NALCN: variants seen among roughly 807,000 people sequenced by gnomAD.
NALCN encodes sodium leak channel NALCN.
Under a neutral mutation model 225.3 loss-of-function variants are expected in NALCN, and 111 were observed. The ratio of observed to expected loss-of-function variants is 0.49; its 90% CI spans 0.42 to 0.58. The LOEUF is 0.58. NALCN is among the 20% of genes least tolerant of loss of function. The pLI is 0.00. For synonymous variants in NALCN, 764 were observed against 769.0 expected (o/e 0.99, Z 0.11); for missense variants, 1,378 against 2,202.4 (o/e 0.63, Z 7.49).
At chr13:101,078,230 AGAG>A (rs2033387036) in intron 34 of NALCN, among the ~76,000 whole-genome samples, 1 of 11,596 alleles carries the variant, frequency 8.6e-5, no homozygotes, top group African/African-American at 8.5e-4. Context: ...GTCCACACAC[AGAG>A]TCCACACACA....
At position 101,105,307 on chromosome 13, in the gene NALCN, TGTTA is replaced by T. The variant is rs10582709; in HGVS notation, c.2580-361_2580-358del. Among the ~76,000 whole-genome samples the T allele has an allele frequency of 7.6e-3, 1,165 of 152,344 alleles. 13 individuals are homozygous for T. The highest frequency in any genetic ancestry group is 0.025 in the African/African-American group (1,048 of 41,568). On this transcript the variant is annotated intron_variant, in intron 22 of 43. Coordinates refer to ENST00000251127, the MANE Select transcript of NALCN (RefSeq NM_052867.4). ...AATCTTTGCCTTAATAGTTCAAGAA[TGTTA>T]GTTATTCAAGATTATTTAATTAAAT...
intron 13 of NALCN, among the ~76,000 whole-genome samples, chr13:101,193,102 C>T (rs376700416): frequency 2.8e-5 from 4 of 142,316 alleles, no homozygotes; most frequent in Non-Finnish European, 3.1e-5. Context: ...CTGATTCCTT[C>T]TTTTTTTTTT....
intron 18 of NALCN, among the ~76,000 whole-genome samples, chr13:101,120,773 G>T (rs1326270331): frequency 3.9e-5 from 6 of 152,152 alleles, no homozygotes; most frequent in African/African-American, 1.4e-4. Context: ...AAAGAACATG[G>T]AAAGCAGTGG....
At chr13:101,274,884 T>A (rs1331055442) in intron 10 of NALCN, among the ~76,000 whole-genome samples, 1 of 152,132 alleles carries the variant, frequency 6.6e-6, no homozygotes. Context: ...GTCTCACCAC[T>A]TAGTATGGCC....
At position 101,412,511 on chromosome 13, in the gene NALCN, G is replaced by A. The variant is rs1046410646; in HGVS notation, c.-40+3802C>T. Among the ~76,000 whole-genome samples, 6 of 152,222 alleles carry A rather than the reference G, an allele frequency of 3.9e-5. No individual in the cohort carries two copies. In the South Asian group the frequency reaches 6.2e-4, roughly 16 times the overall value. ...AGTCCCTGTCTTCAGAACATATTCC[G>A]GTATGGCTGCCTTGCCCTGGGATCT... On this transcript the variant is annotated intron_variant, in intron 1 of 43. Coordinates refer to ENST00000251127, the MANE Select transcript of NALCN (RefSeq NM_052867.4).
chr13:101,205,431 T>C (rs1163972069), intron 13 of NALCN, among the ~76,000 whole-genome samples: 1 of 152,086 alleles, frequency 6.6e-6, no homozygotes, highest in Non-Finnish European at 1.5e-5. Context: ...ATTAGAAATA[T>C]TTATTTTAAG....
At chr13:101,184,374 GT>G (rs1476641733) in intron 14 of NALCN, among the ~76,000 whole-genome samples, 1 of 152,114 alleles carries the variant, frequency 6.6e-6, no homozygotes, top group Non-Finnish European at 1.5e-5. Context: ...TCTCACAGGC[GT>G]TTGATTTCTC....
At chr13:101,318,861 T>G (rs1460744247) in intron 7 of NALCN, among the ~76,000 whole-genome samples, 2 of 152,192 alleles carry the variant, frequency 1.3e-5, no homozygotes, top group Non-Finnish European at 2.9e-5. Context: ...ACATCTTTTT[T>G]TTAGTGAAGA....
intron 6 of NALCN, among the ~76,000 whole-genome samples, chr13:101,347,008 T>G (rs1331370075): frequency 6.6e-6 from 1 of 152,140 alleles, no homozygotes; most frequent in Non-Finnish European, 1.5e-5. Context: ...TGACTCTTTT[T>G]CTTTAATACC....
intron 15 of NALCN, among the ~76,000 whole-genome samples, chr13:101,154,227 C>T (rs1474772061): frequency 6.6e-6 from 1 of 152,194 alleles, no homozygotes; most frequent in African/African-American, 2.4e-5. Flanking sequence ...CTTCAATTAG[C>T]TGCCTGAAGT....
chr13:101,416,479 C>A lies in NALCN; in HGVS notation c.-206G>T. The A allele has an allele frequency of 6.6e-6, 1 of 151,908 alleles. No homozygotes were observed. The highest frequency in any genetic ancestry group is 1.5e-5 in the Non-Finnish European group (1 of 67,900). 9.4% of individuals were successfully genotyped at this position (151,908 alleles called of 1,614,324 possible). A position where few individuals can be genotyped will look rare whatever the true frequency, so the allele number is the denominator to read the frequency against. On this transcript the variant is annotated 5_prime_UTR_variant, in exon 1 of 44. Transcript: ENST00000251127. ...GGCAGCGCGCTCGGCCCGGCTGGGG[C>A]CGCGGCTCACGCTCGCCGTGTCACT...
At chr13:101,241,051 T>C (rs1207896859) in intron 11 of NALCN, among the ~76,000 whole-genome samples, 1 of 152,226 alleles carries the variant, frequency 6.6e-6, no homozygotes, top group Non-Finnish European at 1.5e-5. Flanking sequence ...TGAAAATTTC[T>C]GAAATAAAAT....
chr13:101,364,169 G>GA (rs1004116756), intron 6 of NALCN, among the ~76,000 whole-genome samples: 14 of 151,960 alleles, frequency 9.2e-5, no homozygotes, highest in African/African-American at 2.2e-4. Flanking sequence ...AGTACGGACT[G>GA]AAAAAAACTA....
At position 101,265,371 on chromosome 13, in the gene NALCN, T is replaced by A. The variant is rs996021956; in HGVS notation, c.1135-6797A>T. On this transcript the variant is annotated intron_variant, in intron 10 of 43. Coordinates refer to ENST00000251127, the MANE Select transcript of NALCN (RefSeq NM_052867.4). ...CTCATAACAGCAACCAACGCTTTCATCTTGCTTTGTGTCCAAAAGTGTAAT... is the reference window on the plus strand; with the variant it reads ...CTCATAACAGCAACCAACGCTTTCAACTTGCTTTGTGTCCAAAAGTGTAAT... Among the ~76,000 whole-genome samples, 4 of 152,152 alleles carry A rather than the reference T, an allele frequency of 2.6e-5. No individual in the cohort carries two copies. The East Asian group carries it at 7.7e-4, about 29-fold the overall frequency.
At chr13:101,204,393 C>T (rs1011474632) in intron 13 of NALCN, among the ~76,000 whole-genome samples, 3 of 152,030 alleles carry the variant, frequency 2.0e-5, no homozygotes, top group Admixed American at 2.0e-4. Context: ...CCAAAATATG[C>T]TTGTTGCCAA....
intron 7 of NALCN, among the ~76,000 whole-genome samples, chr13:101,301,508 G>A (rs1186076258): frequency 6.6e-6 from 1 of 152,110 alleles, no homozygotes; most frequent in Non-Finnish European, 1.5e-5. Flanking sequence ...GGATCATGAG[G>A]TCAGGAGCTT....
chr13:101,400,578 T>C (rs768631010), intron 1 of NALCN, among the ~76,000 whole-genome samples: 3,463 of 114,918 alleles, frequency 0.03, 81 homozygotes, highest in African/African-American at 0.073. Flanking sequence ...TGTGTGTGTG[T>C]GTGCACGTGT....
chr13:101,062,132 C>A lies in NALCN; in HGVS notation c.4605-14G>T. The A allele has an allele frequency of 6.2e-7, 1 of 1,613,430 alleles. No homozygotes were observed. The highest frequency in any genetic ancestry group is 8.5e-7 in the Non-Finnish European group (1 of 1,179,700). ...TATGAAAGCATGCTGGTGGGAGAAA[C>A]ACACCTGCAATCGCAGCTCTGATTC... On this transcript the variant is annotated splice_polypyrimidine_tract_variant and intron_variant, in intron 40 of 43. Coordinates refer to ENST00000251127, the MANE Select transcript of NALCN (RefSeq NM_052867.4).
chr13:101,109,553 C>T (rs537708313), intron 20 of NALCN, among the ~76,000 whole-genome samples: 16 of 152,204 alleles, frequency 1.1e-4, no homozygotes, highest in Admixed American at 6.5e-4. Context: ...GCTTTGCTAA[C>T]TTTCTCTTGC....
Sources: allele counts gnomAD v4.1 joint callset (sites outside exome capture counted in the v4.1 genomes callset), GRCh38; gene constraint gnomAD v4.1.1; transcripts MANE v1.5; gene names NCBI Gene and HGNC (gene_info 2026-07-23, HGNC 2026-07-21).